ANO7: variants seen among roughly 807,000 people sequenced by gnomAD.
ANO7 encodes anoctamin 7, also known as anoctamin-7.
A neutral mutation model predicts 115.8 loss-of-function variants in ANO7; 114 were observed. That is an observed-to-expected ratio of 0.98 (90% CI 0.85 to 1.15). The LOEUF (loss-of-function observed/expected upper bound fraction) is 1.15, where lower values mean the gene tolerates loss of function less well. Among genes scored for constraint, ANO7 ranks in the 50% most tolerant of loss-of-function variants. The pLI, the probability that ANO7 is intolerant of heterozygous loss-of-function variation, is 0.00. For missense variants in ANO7, 1,302 were observed against 1,201.2 expected (o/e 1.08, Z -1.24); for synonymous variants, 550 against 498.2 (o/e 1.10, Z -1.38).
downstream of ANO7, chr2:241,230,277 G>A: frequency 6.5e-7 from 1 of 1,548,420 alleles, no homozygotes; most frequent in Non-Finnish European, 8.8e-7. This position sits in a 1 kb window ranked among gnomAD's most constrained non-coding sequence, Gnocchi z 5.0. Flanking sequence ...CACCTGGAAG[G>A]GGTGTACAAC....
intron 2 of ANO7, among the ~76,000 whole-genome samples, chr2:241,190,958 C>A (rs1374514077): frequency 6.6e-6 from 1 of 152,238 alleles, no homozygotes; most frequent in Non-Finnish European, 1.5e-5. Context: ...TGGTGGTGCC[C>A]TCTGGCCCTG....
chr2:241,195,753 G>A lies in ANO7; in HGVS notation c.217G>A (p.Asp73Asn). Residue 73 changes from aspartate (D) to asparagine (N), a missense_variant, in exon 4 of 25, where the codon GAC becomes AAC. Coordinates refer to ENST00000674324, the MANE Select transcript of ANO7 (RefSeq NM_001370694.2). ...EEDLKLDRQQ[D>N]SAARDRTDMH... is the part of the protein sequence containing the mutation. ...GGACCTGAAGCTAGACAGGCAGCAG[G>A]ACAGTGCCGCCCGGGACAGAACAGA... 1.2e-6 allele frequency: 2 copies of A among 1,614,250 alleles called. No individual in the cohort carries two copies. Among genetic ancestry groups the A allele is most frequent in the Non-Finnish European group, 1.7e-6 (2 of 1,180,048 alleles).
Position 241,212,559 on chromosome 2 carries a change from G to A in ANO7, c.1674-13G>A, listed in dbSNP as rs752121596. ...GGATCCCATCAAGGCTCATGATCTT[G>A]ACTTTCTCCTAGGTTTGTGGGATAC... is the stretch of plus-strand genomic sequence containing the variant. On this transcript the variant is annotated splice_polypyrimidine_tract_variant and intron_variant, in intron 16 of 24. Coordinates refer to ENST00000674324, the MANE Select transcript of ANO7 (RefSeq NM_001370694.2). 1 of 1,612,122 alleles carries A rather than the reference G, an allele frequency of 6.2e-7. No individual in the cohort carries two copies. Among genetic ancestry groups the A allele is most frequent in the Admixed American group, 1.7e-5 (1 of 59,796 alleles).
intron 21 of ANO7, 81 bp from the exon 22 acceptor site, chr2:241,223,105 G>A (rs1196342592): frequency 8.0e-7 from 1 of 1,244,088 alleles, no homozygotes; most frequent in Non-Finnish European, 1.2e-6. Context: ...TGGAAAAAGG[G>A]GAGATAGGCT....
At chr2:241,204,749 A>G (rs2068550200) in intron 9 of ANO7, 116 bp from the exon 10 acceptor site, 2 of 715,888 alleles carry the variant, frequency 2.8e-6, no homozygotes, top group South Asian at 3.6e-5. Context: ...ATAGGGCCCC[A>G]GCCCCCAAGC....
At position 241,218,712 on chromosome 2, in the gene ANO7, G is replaced by A. The variant is rs181420143; in HGVS notation, c.2321+331G>A. On this transcript the variant is annotated intron_variant, in intron 21 of 24. Transcript: ENST00000674324. The stretch of plus-strand genomic sequence containing the variant: ...GTTTTTTTATTCGGCCGGGGGCGTC[G>A]GCAGACTCGTGTCTTCAGAGCGGAG... Among the ~76,000 whole-genome samples, 408 of 152,308 alleles carry A rather than the reference G, an allele frequency of 2.7e-3. 9 individuals are homozygous for A. The South Asian group carries it at 0.054, about 20-fold the overall frequency.
At chr2:241,229,311 G>A (rs559417833), downstream of ANO7, 67 of 352,726 alleles carry the variant, frequency 1.9e-4, no homozygotes, top group South Asian at 1.6e-3. Context: ...GAAGGCCAGA[G>A]TGCTGACTGA....
Position 241,199,300 on chromosome 2 carries a change from C to A in ANO7, c.310-16C>A. 1 of 1,611,362 alleles carries A rather than the reference C, an allele frequency of 6.2e-7. No individual in the cohort carries two copies. Among genetic ancestry groups the A allele is most frequent in the Non-Finnish European group, 8.5e-7 (1 of 1,178,032 alleles). ...CATGCACCCTCAGGCTCTCACGGAGCCCTGGGTGCCTACAGCAGGACGTCC... is the reference window on the plus strand; with the variant it reads ...CATGCACCCTCAGGCTCTCACGGAGACCTGGGTGCCTACAGCAGGACGTCC... On this transcript the variant is annotated splice_polypyrimidine_tract_variant and intron_variant, in intron 4 of 24. Coordinates refer to ENST00000674324, the MANE Select transcript of ANO7 (RefSeq NM_001370694.2).
At chr2:241,191,336 T>A in intron 3 of ANO7, 85 bp downstream of exon 3, 1 of 1,544,050 alleles carries the variant, frequency 6.5e-7, no homozygotes, top group Non-Finnish European at 8.9e-7. Flanking sequence ...GGCAGCAGGC[T>A]GGGGTAGCCT....
chr2:241,223,887 G>GCC lies in ANO7; in HGVS notation c.2533-16_2533-15dup. The GCC allele has an allele frequency of 1.2e-6, 2 of 1,613,796 alleles. No homozygotes were observed. The highest frequency in any genetic ancestry group is 1.7e-6 in the Non-Finnish European group (2 of 1,179,984). On this transcript the variant is annotated splice_polypyrimidine_tract_variant and intron_variant, in intron 23 of 24. Coordinates refer to ENST00000674324, the MANE Select transcript of ANO7 (RefSeq NM_001370694.2). Reference sequence around the variant, plus strand: ...GAGTCACATCCCTCTTCCTCTTGCTGCCCTTTTTTGGGGACAGGTTCTTTT... The same window carrying GCC: ...GAGTCACATCCCTCTTCCTCTTGCTGCCCCCTTTTTTGGGGACAGGTTCTTTT...
At chr2:241,195,905 C>A (rs764658188) in intron 4 of ANO7, 60 bp downstream of exon 4, 1 of 1,613,980 alleles carries the variant, frequency 6.2e-7, no homozygotes, top group Non-Finnish European at 8.5e-7. Context: ...TGACCCATGA[C>A]CTTGCCGCAT....
At chr2:241,228,661 C>G (rs753469620), downstream of ANO7, 1 of 152,738 alleles carries the variant, frequency 6.5e-6, no homozygotes, top group African/African-American at 2.4e-5. Flanking sequence ...GTGGCACTAA[C>G]TGCACAGAGA....
intron 18 of ANO7, among the ~76,000 whole-genome samples, chr2:241,215,267 A>C (rs1204654635): frequency 1.3e-5 from 2 of 152,200 alleles, no homozygotes; most frequent in African/African-American, 4.8e-5. Flanking sequence ...GCCCCAACGC[A>C]GCACAAGAGG....
the ANO7 span, chr2:241,236,401 A>G: frequency 1.7e-6 from 1 of 584,114 alleles, no homozygotes; most frequent in Non-Finnish European, 3.0e-6. Context: ...GAAAGGGGCT[A>G]TAGAACCCCG....
Position 241,203,564 on chromosome 2 carries a change from T to G in ANO7, c.889+66T>G. The G allele has an allele frequency of 8.0e-7, 1 of 1,256,246 alleles. No homozygotes were observed. The highest frequency in any genetic ancestry group is 1.1e-6 in the Non-Finnish European group (1 of 940,512). The allele number at this position is 1,256,246 out of a possible 1,614,324, so 77.8% of individuals were successfully genotyped here. Reference sequence around the variant, plus strand: ...CCAGCTTGGTGTCAGGTTGTAACAATTTGCCAGTCCGTACCCCTGGAGGGC... The same window carrying G: ...CCAGCTTGGTGTCAGGTTGTAACAAGTTGCCAGTCCGTACCCCTGGAGGGC... On this transcript the variant is annotated intron_variant, in intron 9 of 24. Coordinates refer to ENST00000674324, the MANE Select transcript of ANO7 (RefSeq NM_001370694.2). The surrounding 1 kb of genome is among the most constrained non-coding windows in gnomAD (Gnocchi z 4.8).
Position 241,199,342 on chromosome 2 carries a change from A to G in ANO7, c.336A>G (p.Thr112=), listed in dbSNP as rs1313216000. The change falls in exon 5 of 25, where the codon ACA becomes ACG. Residue 112 remains threonine (T), a synonymous_variant. Coordinates refer to ENST00000674324, the MANE Select transcript of ANO7 (RefSeq NM_001370694.2). The part of the protein sequence containing the change: ...DQQDVQDGNT[T]VHYALLSASW... ...AGGACGTCCAGGACGGGAACACCACAGTGCACTACGCCCTCCTCAGCGCCT... is the reference window on the plus strand; with the variant it reads ...AGGACGTCCAGGACGGGAACACCACGGTGCACTACGCCCTCCTCAGCGCCT... 1 of 1,613,688 alleles carries G rather than the reference A, an allele frequency of 6.2e-7. No individual in the cohort carries two copies. The highest frequency in any genetic ancestry group is 1.1e-5 in the South Asian group (1 of 91,084).
the ANO7 span, among the ~76,000 whole-genome samples, chr2:241,231,834 G>A: frequency 1.3e-5 from 2 of 152,014 alleles, no homozygotes; most frequent in Middle Eastern, 3.2e-3. Flanking sequence ...GCCCACAATC[G>A]GCGAAAACAA....
chr2:241,234,037 T>C, the ANO7 span: 1 of 1,543,662 alleles, frequency 6.5e-7, no homozygotes, highest in Non-Finnish European at 8.9e-7. Context: ...CCTTCCACCC[T>C]GGTCATAGGA....
At chr2:241,231,394 A>AC in the ANO7 span, 2 of 152,856 alleles carry the variant, frequency 1.3e-5, no homozygotes, top group African/African-American at 4.9e-5. Flanking sequence ...AAAAAAAAAA[A>AC]AACAAAAAAA....
Sources: allele counts gnomAD v4.1 joint callset (sites outside exome capture counted in the v4.1 genomes callset), GRCh38; gene constraint gnomAD v4.1.1; non-coding constraint Gnocchi (gnomAD v3.1); transcripts MANE v1.5; gene names NCBI Gene and HGNC (gene_info 2026-07-23, HGNC 2026-07-21).